LOXHD1: variants seen among roughly 807,000 people sequenced by gnomAD.
LOXHD1 encodes lipoxygenase homology domain-containing protein 1.
A neutral mutation model predicts 248.2 loss-of-function variants in LOXHD1; 205 were observed. The observed-to-expected ratio is 0.83, with a 90% CI of 0.74 to 0.93. LOXHD1 has a LOEUF of 0.93. LOXHD1 is among the 40% of genes least tolerant of loss of function. The pLI is 0.00. For synonymous variants in LOXHD1, 1,113 were observed against 1,162.8 expected, an observed-to-expected ratio of 0.96 and a Z score of 0.87; for missense variants, 2,930 against 2,971.6, an observed-to-expected ratio of 0.99 and a Z score of 0.33.
Position 46,577,689 on chromosome 18 carries a change from C to G in LOXHD1, c.1970+18G>C, listed in dbSNP as rs1188781292. 1 of 1,546,096 alleles carries G rather than the reference C, an allele frequency of 6.5e-7. No homozygotes were observed. The highest frequency in any genetic ancestry group is 8.8e-7 in the Non-Finnish European group (1 of 1,142,470). ...TAACCTAAGCTGGAGAAAACACCAG[C>G]AGGCAGGACGCATGTACCTGAGACA... On this transcript the variant is annotated intron_variant, in intron 14 of 40. Transcript: ENST00000642948.
Position 46,573,481 on chromosome 18 carries a change from C to G in LOXHD1, c.1971-1319G>C, listed in dbSNP as rs572029381. 2.2e-4 allele frequency among the ~76,000 whole-genome samples: 34 copies of G among 152,320 alleles called. 2 individuals are homozygous for G. In the South Asian group the frequency reaches 2.3e-3, roughly 10 times the overall value. On this transcript the variant is annotated intron_variant, in intron 14 of 40. Transcript: ENST00000642948. ...ATACTGAGGAAAACAAGACATTTGT[C>G]TCTCAACCAAACCACCTCCCATTTG...
chr18:46,549,668 C>A (rs913844735), intron 21 of LOXHD1, among the ~76,000 whole-genome samples: 1 of 152,156 alleles, frequency 6.6e-6, no homozygotes, highest in Non-Finnish European at 1.5e-5. Context: ...GAGGACAACT[C>A]TTTATTAGAT....
At chr18:46,652,308 T>G (rs780793725) in intron 1 of LOXHD1, among the ~76,000 whole-genome samples, 1 of 152,172 alleles carries the variant, frequency 6.6e-6, no homozygotes, top group African/African-American at 2.4e-5. Context: ...TCCTAGTGGA[T>G]GCAAGAATGT....
intron 21 of LOXHD1, among the ~76,000 whole-genome samples, chr18:46,556,163 C>G (rs1330351734): frequency 6.6e-6 from 1 of 151,808 alleles, no homozygotes; most frequent in Admixed American, 6.5e-5. Context: ...TAGGCATCAT[C>G]TATGACTGCT....
In LOXHD1 at chr18:46,509,716, C is replaced by T. The variant is rs753071566; in HGVS notation, c.5499G>A (p.Pro1833=). Residue 1833 remains proline, a synonymous_variant, in exon 35 of 41, where the codon CCG becomes CCA. Coordinates refer to ENST00000642948, the MANE Select transcript of LOXHD1 (RefSeq NM_001384474.1). The part of the protein sequence containing the change: ...RIRIDGLGSR[P]EWFLERILLK... ...ATTTTACCCTCTCCAGGAACCACTC[C>T]GGCCGACTGCCCAGGCCATCAATCC... 48 of 1,551,336 alleles carry T rather than the reference C, an allele frequency of 3.1e-5. No individual in the cohort carries two copies. Among genetic ancestry groups the T allele is most frequent in the African/African-American group, 1.4e-4 (10 of 73,016 alleles).
chr18:46,597,779 T>C (rs1279032992), intron 8 of LOXHD1, among the ~76,000 whole-genome samples: 1 of 151,094 alleles, frequency 6.6e-6, no homozygotes, highest in Non-Finnish European at 1.5e-5. Context: ...TTTTTTGAGA[T>C]GGAGTCTCGC....
At chr18:46,485,287 A>C in intron 38 of LOXHD1, 136 bp from the exon 39 acceptor site, 2 of 930,008 alleles carry the variant, frequency 2.2e-6, no homozygotes, top group Non-Finnish European at 1.6e-6. Context: ...GGCAGGTTAA[A>C]AGCACCACGA....
chr18:46,594,222 T>G, intron 9 of LOXHD1, 109 bp downstream of exon 9: 1 of 1,391,362 alleles, frequency 7.2e-7, no homozygotes, highest in Non-Finnish European at 9.7e-7. Context: ...GGAGGAGACT[T>G]GAGAAGCAGG....
chr18:46,581,501 G>T (rs761392934), intron 12 of LOXHD1, among the ~76,000 whole-genome samples: 3 of 152,154 alleles, frequency 2.0e-5, no homozygotes, highest in Non-Finnish European at 2.9e-5. Flanking sequence ...GATGGCAGCT[G>T]AATATGTGTC....
intron 4 of LOXHD1, among the ~76,000 whole-genome samples, chr18:46,626,904 G>A (rs1410789744): frequency 1.3e-5 from 2 of 152,216 alleles, no homozygotes; most frequent in Non-Finnish European, 2.9e-5. Flanking sequence ...AGATAGATAG[G>A]TGGATGGATA....
chr18:46,506,780 A>T (rs1438833109), intron 36 of LOXHD1, among the ~76,000 whole-genome samples: 1 of 152,196 alleles, frequency 6.6e-6, no homozygotes, highest in African/African-American at 2.4e-5. Context: ...TCTCTGTTGA[A>T]AATGTAAGCT....
At chr18:46,554,999 T>C in intron 21 of LOXHD1, 1 of 347,852 alleles carries the variant, frequency 2.9e-6, no homozygotes, top group Non-Finnish European at 6.0e-6. Flanking sequence ...GAATAGCTAA[T>C]ATTTTTAAAG....
chr18:46,629,801 A>G (rs1384499687), intron 4 of LOXHD1, among the ~76,000 whole-genome samples: 1 of 151,220 alleles, frequency 6.6e-6, no homozygotes, highest in African/African-American at 2.4e-5. Flanking sequence ...TTAAAAAAAA[A>G]AAAAAAGAAA....
intron 33 of LOXHD1, chr18:46,520,312 T>C (rs938875011): frequency 3.6e-5 from 17 of 471,110 alleles, no homozygotes; most frequent in Non-Finnish European, 7.5e-5. Context: ...GTGGGACAGC[T>C]TCTGACCTGG....
At chr18:46,489,275 T>A (rs1448130321) in intron 37 of LOXHD1, 133 bp from the exon 38 acceptor site, 7 of 941,242 alleles carry the variant, frequency 7.4e-6, no homozygotes, top group Non-Finnish European at 1.1e-5. Flanking sequence ...TTGATCTCCT[T>A]GTTGATAAAG....
chr18:46,481,214 A>G (rs1158050098), intron 40 of LOXHD1, among the ~76,000 whole-genome samples: 2 of 152,212 alleles, frequency 1.3e-5, no homozygotes, highest in African/African-American at 4.8e-5. Flanking sequence ...TCCTTCTAGA[A>G]TGAGGCCATG....
At chr18:46,494,847 CTCTTTTTT>C (rs1415711230) in intron 37 of LOXHD1, among the ~76,000 whole-genome samples, 68 of 113,434 alleles carry the variant, frequency 6.0e-4, no homozygotes, top group Admixed American at 2.7e-3. Flanking sequence ...TTTTCTCTCT[CTCTTTTTT>C]TTTTTTTTTT....
intron 14 of LOXHD1, among the ~76,000 whole-genome samples, chr18:46,573,676 C>A (rs1017857076): frequency 6.6e-6 from 1 of 152,108 alleles, no homozygotes; most frequent in Non-Finnish European, 1.5e-5. Context: ...TAATAGACCA[C>A]CCCTCTCCCC....
intron 4 of LOXHD1, among the ~76,000 whole-genome samples, chr18:46,625,088 G>T (rs1424364222): frequency 6.6e-6 from 1 of 152,168 alleles, no homozygotes; most frequent in Non-Finnish European, 1.5e-5. Context: ...CACACAATTA[G>T]AAAGGGTGCA....
Sources: gnomAD v4.1 joint callset for allele counts (sites outside exome capture counted in the v4.1 genomes callset) on GRCh38, gnomAD v4.1.1 for gene constraint, MANE v1.5 for transcripts, NCBI Gene and HGNC (gene_info 2026-07-23, HGNC 2026-07-21) for gene names.